The following SPTBN4 variants were observed in gnomAD, a reference collection of about 807,000 sequenced individuals.
The protein encoded by SPTBN4 is spectrin beta chain, non-erythrocytic 4.
SPTBN4 carries 96 observed loss-of-function variants against 277.8 expected under a neutral mutation model. The ratio of observed to expected loss-of-function variants is 0.35; its 90% confidence interval spans 0.29 to 0.41. The LOEUF is 0.41. SPTBN4 is among the 10% of genes least tolerant of loss of function. SPTBN4 has a pLI of 1.00. For synonymous variants in SPTBN4, 1,481 were observed against 1,580.3 expected (o/e 0.94, Z 1.49); for missense variants, 3,006 against 3,595.7 (o/e 0.84, Z 4.19).
chr19:40,487,414 T>G (rs2080084998), intron 2 of SPTBN4, among the ~76,000 whole-genome samples: 1 of 151,562 alleles, frequency 6.6e-6, no homozygotes, highest in Admixed American at 6.6e-5. Context: ...GATGCGATCT[T>G]GGCTCACTGC....
In SPTBN4 at chr19:40,557,286, G is replaced by A. The variant is rs1257993803; in HGVS notation, c.5553G>A (p.Glu1851=). ...CCCGAGAGCTTCAGGGACAGATTGAGGAGAAGCGGAGGCGGCTGCCCCGCC... is the reference window on the plus strand; with the variant it reads ...CCCGAGAGCTTCAGGGACAGATTGAAGAGAAGCGGAGGCGGCTGCCCCGCC... ...SDARELQGQI[E]EKRRRLPRLT... is the part of the protein sequence containing the mutation. The change falls in exon 26 of 36, where the codon GAG becomes GAA. Residue 1851 remains glutamate, a synonymous_variant. Transcript: ENST00000598249. The A allele has an allele frequency of 6.2e-7, 1 of 1,613,546 alleles. No individual in the cohort carries two copies. Among genetic ancestry groups the A allele is most frequent in the African/African-American group, 1.3e-5 (1 of 74,938 alleles).
At chr19:40,516,256 A>G (rs2080459639) in intron 15 of SPTBN4, among the ~76,000 whole-genome samples, 1 of 141,866 alleles carries the variant, frequency 7.0e-6, no homozygotes, top group Non-Finnish European at 1.5e-5. Context: ...AAAAAAAAAA[A>G]TTCCCAATAT....
intron 17 of SPTBN4, among the ~76,000 whole-genome samples, chr19:40,528,752 T>C (rs2080625186): frequency 6.6e-6 from 1 of 152,122 alleles, no homozygotes; most frequent in South Asian, 2.1e-4. Flanking sequence ...TCTTTACTTC[T>C]CTGTTATCTT....
intron 17 of SPTBN4, among the ~76,000 whole-genome samples, chr19:40,526,610 G>C (rs1056536244): frequency 2.0e-5 from 3 of 151,712 alleles, no homozygotes; most frequent in African/African-American, 7.3e-5. Context: ...TTAAAGACAG[G>C]GTCTTGCTTT....
chr19:40,481,999 C>T (rs1034383300), intron 2 of SPTBN4, among the ~76,000 whole-genome samples: 36 of 151,492 alleles, frequency 2.4e-4, no homozygotes, highest in Admixed American at 1.3e-4. Context: ...TGCAATGGCA[C>T]GATCTCAGCT....
intron 1 of SPTBN4, among the ~76,000 whole-genome samples, chr19:40,471,169 A>G (rs1471635270): frequency 1.3e-5 from 2 of 150,926 alleles, no homozygotes; most frequent in African/African-American, 4.9e-5. Flanking sequence ...CCGGTCTTGA[A>G]CTCCTGACCT....
Position 40,560,238 on chromosome 19 carries a change from AGCAG to A in SPTBN4, c.5752_5755del (p.Gln1918ArgfsTer63). 1 of 1,612,372 alleles carries A rather than the reference AGCAG, an allele frequency of 6.2e-7. No homozygotes were observed. Among genetic ancestry groups the A allele is most frequent in the Non-Finnish European group, 8.5e-7 (1 of 1,179,954 alleles). ...CATGCCGAGGCCATCGCTAGCCGGGAGCAGGAGGTGCTGCAGGGTTGGAAAGAGC... is the reference window on the plus strand; with the variant it reads ...CATGCCGAGGCCATCGCTAGCCGGGAGAGGTGCTGCAGGGTTGGAAAGAGC... On this transcript the variant is annotated frameshift_variant, in exon 27 of 36. Transcript: ENST00000598249. LOFTEE classifies it high-confidence loss of function. The surrounding 1 kb of genome is among the most constrained non-coding windows in gnomAD (Gnocchi z 5.2).
At chr19:40,526,470 C>T (rs1381507541) in intron 17 of SPTBN4, among the ~76,000 whole-genome samples, 2 of 152,034 alleles carry the variant, frequency 1.3e-5, no homozygotes, top group East Asian at 1.9e-4. Context: ...CCGCGCCGGC[C>T]GCTAGGTGCT....
chr19:40,548,156 C>T (rs1599792868), intron 20 of SPTBN4, among the ~76,000 whole-genome samples: 2 of 152,150 alleles, frequency 1.3e-5, no homozygotes, highest in African/African-American at 4.8e-5. Context: ...ATTCCTAAGA[C>T]ACAGCAGCCA....
intron 24 of SPTBN4, chr19:40,555,198 C>T (rs1163904117): frequency 6.6e-6 from 1 of 152,346 alleles, no homozygotes; most frequent in Non-Finnish European, 1.5e-5. Context: ...GTCCAGAGTC[C>T]CACCGAGGTT....
chr19:40,530,238 A>C (rs977721370), intron 18 of SPTBN4, among the ~76,000 whole-genome samples: 1 of 151,860 alleles, frequency 6.6e-6, no homozygotes, highest in South Asian at 2.1e-4. Context: ...TCCAAGCCCC[A>C]GGCGCTCCCT....
chr19:40,550,191 T>A, intron 21 of SPTBN4, 47 bp from the exon 22 acceptor site: 1 of 1,538,050 alleles, frequency 6.5e-7, no homozygotes, highest in South Asian at 1.1e-5. Flanking sequence ...GATGCAGGGG[T>A]TCTTGGATGC....
At chr19:40,518,071 C>T (rs899874574) in intron 15 of SPTBN4, among the ~76,000 whole-genome samples, 10 of 152,082 alleles carry the variant, frequency 6.6e-5, no homozygotes, top group South Asian at 2.1e-4. Flanking sequence ...TTTGGGAGGC[C>T]GAGGCAAGCA....
chr19:40,575,385 C>T, intron 35 of SPTBN4, 26 bp from the exon 36 acceptor site: 2 of 1,605,596 alleles, frequency 1.2e-6, no homozygotes, highest in African/African-American at 1.3e-5. Flanking sequence ...CCAAATACGG[C>T]CTCTGTGCCC....
At chr19:40,475,005 G>A (rs2079931477) in intron 2 of SPTBN4, among the ~76,000 whole-genome samples, 1 of 152,070 alleles carries the variant, frequency 6.6e-6, no homozygotes, top group Non-Finnish European at 1.5e-5. Context: ...AAAGTGCTTT[G>A]ATTACAGGGG....
intron 16 of SPTBN4, among the ~76,000 whole-genome samples, chr19:40,521,909 A>T (rs545952992): frequency 1.3e-5 from 2 of 152,264 alleles, no homozygotes; most frequent in East Asian, 3.9e-4. Flanking sequence ...TTGGCCTCCC[A>T]AAGTGCTGGG....
chr19:40,475,821 G>A (rs1029832549), intron 2 of SPTBN4, among the ~76,000 whole-genome samples: 4 of 151,530 alleles, frequency 2.6e-5, no homozygotes, highest in African/African-American at 9.7e-5. Context: ...CGAGGCGGGC[G>A]GATCGCTTGA....
At chr19:40,486,524 C>T (rs2080074244) in intron 2 of SPTBN4, among the ~76,000 whole-genome samples, 1 of 151,992 alleles carries the variant, frequency 6.6e-6, no homozygotes, top group Non-Finnish European at 1.5e-5. Context: ...GGCATTCCAC[C>T]CTGCCTGGCT....
intron 29 of SPTBN4, 152 bp from the exon 30 acceptor site, chr19:40,566,011 T>C: frequency 3.6e-6 from 3 of 822,328 alleles, no homozygotes; most frequent in Non-Finnish European, 5.6e-6. Flanking sequence ...CCCACTGAAA[T>C]AGCCCCAGCC....
Sources: allele counts gnomAD v4.1 joint callset (sites outside exome capture counted in the v4.1 genomes callset), GRCh38; gene constraint gnomAD v4.1.1; non-coding constraint Gnocchi (gnomAD v3.1); transcripts MANE v1.5; gene names NCBI Gene and HGNC (gene_info 2026-07-23, HGNC 2026-07-21).